The following HDAC4 variants were observed in gnomAD, a reference collection of about 807,000 sequenced individuals.
HDAC4 encodes histone deacetylase A.
HDAC4 carries 16 observed loss-of-function variants against 135.1 expected under a neutral mutation model. The ratio of observed to expected loss-of-function variants is 0.12; its 90% CI spans 0.08 to 0.18. HDAC4 has a LOEUF of 0.18. HDAC4 is among the 10% of genes least tolerant of loss of function. The pLI, the probability that HDAC4 is intolerant of heterozygous loss-of-function variation, is 1.00. For synonymous variants in HDAC4, 685 were observed against 653.4 expected (o/e 1.05, Z -0.74); for missense variants, 1,143 against 1,511.8 (o/e 0.76, Z 4.05).
chr2:239,179,870 C>A (rs1437410373), intron 4 of HDAC4, among the ~76,000 whole-genome samples: 4 of 152,276 alleles, frequency 2.6e-5, no homozygotes, highest in African/African-American at 4.8e-5. Flanking sequence ...TGCTCCAAGA[C>A]AACAGGGCTG....
chr2:239,143,614 A>G (rs2041552502), intron 8 of HDAC4, among the ~76,000 whole-genome samples: 1 of 152,210 alleles, frequency 6.6e-6, no homozygotes, highest in Admixed American at 6.5e-5. Flanking sequence ...GAACTCCTCA[A>G]GTAGAGAGGG....
intron 11 of HDAC4, 145 bp from the exon 12 acceptor site, chr2:239,126,839 C>T: frequency 2.3e-6 from 2 of 851,614 alleles, no homozygotes; most frequent in South Asian, 3.0e-5. Flanking sequence ...AGCTGGCTCG[C>T]TAACTGGGCC....
chr2:239,103,930 C>A (rs1435884404), intron 15 of HDAC4, among the ~76,000 whole-genome samples: 1 of 152,270 alleles, frequency 6.6e-6, no homozygotes, highest in Admixed American at 6.5e-5. Flanking sequence ...AGGGGAGAGA[C>A]CTCCAGAGGG....
chr2:239,066,255 C>G (rs1037108504), intron 24 of HDAC4, among the ~76,000 whole-genome samples: 2 of 152,216 alleles, frequency 1.3e-5, no homozygotes, highest in Admixed American at 1.3e-4. Flanking sequence ...AGCCCTGTCC[C>G]TGGGGGCTCA....
intron 22 of HDAC4, among the ~76,000 whole-genome samples, chr2:239,078,091 A>C (rs2034945153): frequency 6.6e-6 from 1 of 152,182 alleles, no homozygotes; most frequent in African/African-American, 2.4e-5. Flanking sequence ...GTCCCCGCGC[A>C]CAGGTGAGGG....
rs1487438322 is a variant in HDAC4, at chr2:239,303,598, T to A, written c.22+49080A>T. ...AGCTTTCTCTGTTTTCTTTCTTTCT[T>A]TTTTTTTTTTAATTCACAATTGAGG... On this transcript the variant is annotated intron_variant, in intron 2 of 26. Coordinates refer to ENST00000543185, the MANE Select transcript of HDAC4 (RefSeq NM_001378414.1). The surrounding 1 kb of genome is among the most constrained non-coding windows in gnomAD (Gnocchi z 5.1). Among the ~76,000 whole-genome samples the A allele has an allele frequency of 6.8e-6, 1 of 147,762 alleles. No homozygotes were observed. The highest frequency in any genetic ancestry group is 1.9e-4 in the East Asian group (1 of 5,130).
At chr2:239,136,889 C>T (rs6759400) in intron 9 of HDAC4, among the ~76,000 whole-genome samples, 11,154 of 152,208 alleles carry the variant, frequency 0.073, 855 homozygotes, top group African/African-American at 0.2. Context: ...CAGAGGAAAC[C>T]CTGCAACTCC....
intron 2 of HDAC4, among the ~76,000 whole-genome samples, chr2:239,292,105 C>G (rs879760472): frequency 2.6e-5 from 4 of 152,184 alleles, no homozygotes; most frequent in Admixed American, 6.5e-5. Context: ...ACGGCCACGC[C>G]AGGGGCTGTG....
At position 239,156,830 on chromosome 2, in the gene HDAC4, G is replaced by A. The variant is rs985649042; in HGVS notation, c.612-57C>T. 84 of 1,607,790 alleles carry A rather than the reference G, an allele frequency of 5.2e-5. 1 individual carries two copies. In the African/African-American group the frequency reaches 8.8e-4, roughly 17 times the overall value. Reference sequence around the variant, plus strand: ...TTACCCAGCGCACTGCCCCAGGCATGCTGCAGCCGAGAAGCCACACACGAT... The same window carrying A: ...TTACCCAGCGCACTGCCCCAGGCATACTGCAGCCGAGAAGCCACACACGAT... On this transcript the variant is annotated intron_variant, in intron 6 of 26. Transcript: ENST00000543185.
intron 8 of HDAC4, 24 bp downstream of exon 8, chr2:239,144,559 G>A: frequency 6.2e-7 from 1 of 1,612,770 alleles, no homozygotes; most frequent in Non-Finnish European, 8.5e-7. Context: ...CAGCGGGGCG[G>A]GTGTACCTGC....
At chr2:239,203,155 G>A (rs74000519) in intron 3 of HDAC4, among the ~76,000 whole-genome samples, 5,279 of 152,274 alleles carry the variant, frequency 0.035, 317 homozygotes, top group African/African-American at 0.12. Context: ...GGTCCAGCAA[G>A]AGAGCGGGAA....
chr2:239,301,846 G>A (rs1458083514), intron 2 of HDAC4, among the ~76,000 whole-genome samples: 1 of 152,182 alleles, frequency 6.6e-6, no homozygotes, highest in Non-Finnish European at 1.5e-5. Context: ...CTACTGCGGT[G>A]TGATTCCTGA....
intron 2 of HDAC4, among the ~76,000 whole-genome samples, chr2:239,252,425 G>A (rs866972065): frequency 2.6e-5 from 4 of 152,294 alleles, no homozygotes; most frequent in South Asian, 2.1e-4. Flanking sequence ...CACAGCCCAC[G>A]TCACCATGGA....
intron 2 of HDAC4, among the ~76,000 whole-genome samples, chr2:239,252,108 G>A (rs578217216): frequency 2.0e-5 from 3 of 152,312 alleles, no homozygotes; most frequent in Admixed American, 2.0e-4. Context: ...GTGGATTTCT[G>A]CCCCTTCCAG....
chr2:239,156,754 G>T lies in HDAC4; in HGVS notation c.631C>A (p.Leu211Ile). 1 of 1,614,168 alleles carries T rather than the reference G, an allele frequency of 6.2e-7. No homozygotes were observed. Among genetic ancestry groups the T allele is most frequent in the Non-Finnish European group, 8.5e-7 (1 of 1,180,026 alleles). Residue 211 changes from leucine (L) to isoleucine (I), a missense_variant, in exon 7 of 27, where the codon CTT (leucine) becomes ATT (isoleucine). Physicochemically the swap from Leu to Ile is conservative, Grantham distance 5. Coordinates refer to ENST00000543185, the MANE Select transcript of HDAC4 (RefSeq NM_001378414.1). ...YWYGKTQHSSLDQSSPPQSGV... is the reference protein window; with the variant it reads ...YWYGKTQHSSIDQSSPPQSGV... Reference sequence around the variant, plus strand: ...CTCTGGGGTGGAGAACTCTGGTCAAGGGAACTGTGCTGCGTTTTCCTGGAG... The same window carrying T: ...CTCTGGGGTGGAGAACTCTGGTCAATGGAACTGTGCTGCGTTTTCCTGGAG...
chr2:239,118,629 G>A (rs1374364255), intron 12 of HDAC4, among the ~76,000 whole-genome samples: 2 of 152,186 alleles, frequency 1.3e-5, no homozygotes, highest in African/African-American at 4.8e-5. Flanking sequence ...AGCCCCGTGA[G>A]GCCAAGGGGG....
intron 21 of HDAC4, 119 bp downstream of exon 21, chr2:239,081,983 G>A (rs2035378937): frequency 1.9e-6 from 2 of 1,069,306 alleles, no homozygotes; most frequent in Non-Finnish European, 2.8e-6. Context: ...CTGGGCTTAA[G>A]TGAGCACGAA....
Position 239,068,135 on chromosome 2 carries a change from C to T in HDAC4, c.2869+354G>A, listed in dbSNP as rs1410572426. ...CCCTTTACAGTTCCAAGGAGCACCGCCTGCCAGAGAAGCGGCATGGGGCAC... is the reference window on the plus strand; with the variant it reads ...CCCTTTACAGTTCCAAGGAGCACCGTCTGCCAGAGAAGCGGCATGGGGCAC... On this transcript the variant is annotated intron_variant, in intron 23 of 26. Coordinates refer to ENST00000543185, the MANE Select transcript of HDAC4 (RefSeq NM_001378414.1). The surrounding 1 kb of genome is among the most constrained non-coding windows in gnomAD (Gnocchi z 4.4). Among the ~76,000 whole-genome samples the T allele has an allele frequency of 6.6e-6, 1 of 152,160 alleles. No individual in the cohort carries two copies. Among genetic ancestry groups the T allele is most frequent in the Admixed American group, 6.5e-5 (1 of 15,288 alleles).
intron 24 of HDAC4, among the ~76,000 whole-genome samples, chr2:239,058,096 GCTCTGTGTCTA>G (rs1183457433): frequency 6.6e-6 from 1 of 152,242 alleles, no homozygotes; most frequent in East Asian, 1.9e-4. Context: ...CCACCTGGGT[GCTCTGTGTCTA>G]CTCTGGCACC....
Sources: allele counts gnomAD v4.1 joint callset (sites outside exome capture counted in the v4.1 genomes callset), GRCh38; gene constraint gnomAD v4.1.1; non-coding constraint Gnocchi (gnomAD v3.1); transcripts MANE v1.5; gene names NCBI Gene and HGNC (gene_info 2026-07-23, HGNC 2026-07-21).